The following PCDH15 variants were observed in gnomAD, a reference collection of about 807,000 sequenced individuals.
PCDH15 encodes protocadherin related 15, also known as protocadherin-15.
In PCDH15, 129 loss-of-function variants were observed where a neutral mutation model predicts 178.5. That is an observed-to-expected ratio of 0.72 (90% CI 0.63 to 0.84). The LOEUF is 0.84. PCDH15 is among the 40% of genes least tolerant of loss of function. The probability of loss-of-function intolerance (pLI) is 0.00; values close to 1 mark genes in which losing one functional copy is unlikely to be tolerated. For synonymous variants in PCDH15, 800 were observed against 732.0 expected (o/e 1.09, Z -1.50); for missense variants, 2,230 against 2,099.9 (o/e 1.06, Z -1.21).
chr10:54,089,109 T>C (rs1362953609), intron 16 of PCDH15, among the ~76,000 whole-genome samples: 1 of 152,250 alleles, frequency 6.6e-6, no homozygotes, highest in Non-Finnish European at 1.5e-5. Context: ...TAACTCATGT[T>C]TGTAAAATTC....
At chr10:54,170,239 G>A (rs1260429442) in intron 13 of PCDH15, among the ~76,000 whole-genome samples, 8 of 136,864 alleles carry the variant, frequency 5.8e-5, no homozygotes, top group Admixed American at 5.4e-4. Flanking sequence ...GTGTCCGACT[G>A]ATCTCTCAAA....
chr10:55,131,844 A>G (rs1838055110), intron 2 of PCDH15, among the ~76,000 whole-genome samples: 4 of 152,144 alleles, frequency 2.6e-5, no homozygotes, highest in Admixed American at 2.6e-4. Context: ...GCCCAGAAAA[A>G]GCACCATGAA....
intron 3 of PCDH15, among the ~76,000 whole-genome samples, chr10:54,473,441 T>C (rs1023696257): frequency 2.0e-5 from 3 of 152,106 alleles, no homozygotes; most frequent in Non-Finnish European, 4.4e-5. Context: ...GGTCATTTTG[T>C]TTGAGATGAG....
chr10:55,040,526 A>C (rs1045838669), intron 2 of PCDH15, among the ~76,000 whole-genome samples: 1 of 128,638 alleles, frequency 7.8e-6, no homozygotes, highest in East Asian at 2.5e-4. Context: ...ACAACAACAA[A>C]AACACAGGAG....
chr10:54,129,858 CTT>C (rs1275765820), intron 15 of PCDH15, among the ~76,000 whole-genome samples: 1 of 151,994 alleles, frequency 6.6e-6, no homozygotes, highest in Non-Finnish European at 1.5e-5. Flanking sequence ...GCATTTCAAA[CTT>C]GGGTTGTGCA....
chr10:53,894,871 C>T (rs577855239), intron 26 of PCDH15, among the ~76,000 whole-genome samples: 1 of 152,042 alleles, frequency 6.6e-6, no homozygotes, highest in Non-Finnish European at 1.5e-5. Flanking sequence ...AAGAGCATGC[C>T]CAGAACTAAA....
chr10:53,817,665 G>A (rs976688947), intron 34 of PCDH15, among the ~76,000 whole-genome samples: 2 of 151,618 alleles, frequency 1.3e-5, no homozygotes, highest in African/African-American at 2.4e-5. Flanking sequence ...GGGACTACAG[G>A]CAGTAATCCT....
chr10:55,602,666 C>A (rs1355641555), intron 2 of PCDH15, among the ~76,000 whole-genome samples: 1 of 148,458 alleles, frequency 6.7e-6, no homozygotes, highest in Non-Finnish European at 1.5e-5. Flanking sequence ...AACAGACCTG[C>A]AGCTGAGGGT....
intron 2 of PCDH15, among the ~76,000 whole-genome samples, chr10:55,471,311 T>C (rs921323515): frequency 6.6e-6 from 1 of 152,194 alleles, no homozygotes; most frequent in African/African-American, 2.4e-5. Context: ...TAAATAGCCT[T>C]TAGTTTGTAG....
intron 3 of PCDH15, among the ~76,000 whole-genome samples, chr10:54,858,395 G>T (rs1378204332): frequency 6.6e-6 from 1 of 152,128 alleles, no homozygotes; most frequent in Non-Finnish European, 1.5e-5. Context: ...TGTTTGTATA[G>T]CTGTTAGGAA....
At chr10:54,605,211 C>T (rs573604078) in intron 2 of PCDH15, among the ~76,000 whole-genome samples, 32 of 152,016 alleles carry the variant, frequency 2.1e-4, no homozygotes, top group African/African-American at 7.7e-4. Context: ...TTATTTGCCT[C>T]TATAAATTTA....
At chr10:54,324,714 G>A (rs1046296102) in intron 7 of PCDH15, among the ~76,000 whole-genome samples, 2 of 152,008 alleles carry the variant, frequency 1.3e-5, no homozygotes, top group South Asian at 2.1e-4. Flanking sequence ...GCAGTGAACC[G>A]AGATCACCCC....
intron 3 of PCDH15, among the ~76,000 whole-genome samples, chr10:54,841,105 A>G (rs1953410051): frequency 6.6e-6 from 1 of 151,824 alleles, no homozygotes; most frequent in Non-Finnish European, 1.5e-5. Context: ...ACCCATAAAC[A>G]GCAGTATATA....
intron 2 of PCDH15, among the ~76,000 whole-genome samples, chr10:54,943,237 C>T (rs1310775772): frequency 1.3e-5 from 2 of 151,858 alleles, no homozygotes; most frequent in Non-Finnish European, 2.9e-5. Flanking sequence ...CTTTGCAAGC[C>T]ACTCATATTC....
At chr10:54,645,977 A>G (rs1055733336) in intron 2 of PCDH15, among the ~76,000 whole-genome samples, 1 of 152,062 alleles carries the variant, frequency 6.6e-6, no homozygotes, top group Non-Finnish European at 1.5e-5. Context: ...ATACATTAAT[A>G]TTTTCAGGAT....
chr10:54,965,227 T>C (rs61850893), intron 2 of PCDH15, among the ~76,000 whole-genome samples: 9,506 of 152,232 alleles, frequency 0.062, 484 homozygotes, highest in Admixed American at 0.15. Context: ...CATAGTGGCA[T>C]GGTTTGGTTG....
At chr10:53,829,334 C>T (rs1359150635) in intron 30 of PCDH15, among the ~76,000 whole-genome samples, 1 of 152,084 alleles carries the variant, frequency 6.6e-6, no homozygotes, top group Non-Finnish European at 1.5e-5. Context: ...AAATATTAAA[C>T]ATCTCAAGTA....
In PCDH15 at chr10:55,600,475, T is replaced by G. The variant is rs1263726057; in HGVS notation, c.-156+27150A>C. 2.0e-5 allele frequency among the ~76,000 whole-genome samples: 3 copies of G among 152,204 alleles called. No individual in the cohort carries two copies. In the East Asian group the frequency reaches 5.8e-4, roughly 29 times the overall value. ...AGTTATTACACATTGACCCAATAAT[T>G]CTATCAACAGGATAAGTGACCCTAG... On this transcript the variant is annotated intron_variant, in intron 2 of 5. Transcript: ENST00000613346.
chr10:55,290,411 T>C (rs1842979451), intron 1 of PCDH15, among the ~76,000 whole-genome samples: 2 of 152,172 alleles, frequency 1.3e-5, no homozygotes, highest in African/African-American at 4.8e-5. Context: ...TCATATTTTC[T>C]GTATGTTTTG....
Sources: allele counts gnomAD v4.1 joint callset (sites outside exome capture counted in the v4.1 genomes callset), GRCh38; gene constraint gnomAD v4.1.1; transcripts MANE v1.5; gene names NCBI Gene and HGNC (gene_info 2026-07-23, HGNC 2026-07-21).